ELF5: variants seen among roughly 807,000 people sequenced by gnomAD.
ELF5 encodes E74 like ETS transcription factor 5, also known as ETS-related transcription factor Elf-5.
Under a neutral mutation model 38.2 loss-of-function variants are expected in ELF5, and 31 were observed. That is an observed-to-expected ratio of 0.81 (90% CI 0.61 to 1.10). The LOEUF is 1.10. ELF5 is among the 50% of genes least tolerant of loss of function. The pLI is 0.00. For missense variants in ELF5, 300 were observed against 306.6 expected, an observed-to-expected ratio of 0.98 and a Z score of 0.16; for synonymous variants, 121 against 112.5, an observed-to-expected ratio of 1.08 and a Z score of -0.48.
intron 4 of ELF5, among the ~76,000 whole-genome samples, chr11:34,483,726 T>C (rs548267500): frequency 1.3e-5 from 2 of 152,058 alleles, no homozygotes; most frequent in East Asian, 3.9e-4. Flanking sequence ...TATGCTATAC[T>C]GTACTATACT....
chr11:34,482,620 C>A (rs1856967616), intron 4 of ELF5, 121 bp from the exon 5 acceptor site: 3 of 734,906 alleles, frequency 4.1e-6, no homozygotes, highest in Non-Finnish European at 6.5e-6. Context: ...CCACATTAGG[C>A]ACTTTGGGGG....
At chr11:34,495,022 G>A (rs1198892127) in intron 2 of ELF5, among the ~76,000 whole-genome samples, 1 of 152,204 alleles carries the variant, frequency 6.6e-6, no homozygotes, top group Non-Finnish European at 1.5e-5. Context: ...TCCCCCAGGA[G>A]ATCACAGAAG....
At position 34,482,509 on chromosome 11, in the gene ELF5, A is replaced by T. The variant is rs1164488452; in HGVS notation, c.407-10T>A. ...CAGTTGGAATCAGCATCTGAAATAG[A>T]ATAATTTATAGCAGTGGAAAGGGAT... On this transcript the variant is annotated splice_polypyrimidine_tract_variant and intron_variant, in intron 4 of 6. Coordinates refer to ENST00000257832, the MANE Select transcript of ELF5 (RefSeq NM_001422.4). 1 of 1,610,240 alleles carries T rather than the reference A, an allele frequency of 6.2e-7. No individual in the cohort carries two copies. The highest frequency in any genetic ancestry group is 1.7e-5 in the Admixed American group (1 of 59,472).
chr11:34,481,097 A>G lies in ELF5; in HGVS notation c.476-130T>C, dbSNP rs922770240. Reference sequence around the variant, plus strand: ...GAGAGCAATGGTGCGATCTCGGCTCACTGCAACCTCTGCCTCCTGGGTTCA... The same window carrying G: ...GAGAGCAATGGTGCGATCTCGGCTCGCTGCAACCTCTGCCTCCTGGGTTCA... On this transcript the variant is annotated intron_variant, in intron 5 of 6. Transcript: ENST00000257832. 7 of 643,854 alleles carry G rather than the reference A, an allele frequency of 1.1e-5. No homozygotes were observed. The African/African-American group carries it at 1.3e-4, about 12-fold the overall frequency. 39.9% of individuals were successfully genotyped at this position (643,854 alleles called of 1,614,324 possible).
chr11:34,482,483 G>A lies in ELF5; in HGVS notation c.423C>T (p.Cys141=). The change falls in exon 5 of 7, where the codon TGC becomes TGT. Residue 141 remains cysteine, a synonymous_variant. Transcript: ENST00000257832. ...ATIKDYADSN[C]LKTSGIKSQD... The stretch of plus-strand genomic sequence containing the variant: ...GACTTTTGATGCCACTTGTTTTCAA[G>A]CAGTTGGAATCAGCATCTGAAATAG... 3 of 1,613,078 alleles carry A rather than the reference G, an allele frequency of 1.9e-6. No individual in the cohort carries two copies. The highest frequency in any genetic ancestry group is 2.5e-6 in the Non-Finnish European group (3 of 1,179,732).
intron 3 of ELF5, 62 bp from the exon 4 acceptor site, chr11:34,490,121 C>A (rs539338277): frequency 3.2e-6 from 5 of 1,576,016 alleles, no homozygotes; most frequent in South Asian, 1.1e-5. Context: ...CTGGCCAGGC[C>A]AGGAGAGGGG....
At chr11:34,505,905 G>T in intron 1 of ELF5, 152 bp from the exon 2 acceptor site, 1 of 927,596 alleles carries the variant, frequency 1.1e-6, no homozygotes, top group Non-Finnish European at 1.5e-6. Flanking sequence ...TGTCACCTAC[G>T]AGTGACATTA....
At chr11:34,487,998 C>G (rs995605131) in intron 4 of ELF5, among the ~76,000 whole-genome samples, 1 of 152,026 alleles carries the variant, frequency 6.6e-6, no homozygotes, top group Admixed American at 6.5e-5. Flanking sequence ...CTGCTTGGAA[C>G]CTTTTCTTCT....
chr11:34,496,997 A>T (rs77901870), intron 2 of ELF5, among the ~76,000 whole-genome samples: 2,862 of 152,322 alleles, frequency 0.019, 94 homozygotes, highest in African/African-American at 0.066. Context: ...TGTAATTGTA[A>T]TTATAAATAA....
Position 34,480,877 on chromosome 11 carries a change from T to G in ELF5, c.566A>C (p.Glu189Ala). Residue 189 changes from glutamate to alanine, a missense_variant, in exon 6 of 7, where the codon GAA becomes GCA. By Grantham distance (107) the Glu-to-Ala change is moderately radical (BLOSUM62 -1). Coordinates refer to ENST00000257832, the MANE Select transcript of ELF5 (RefSeq NM_001422.4). ...TTTAACCACCCGAAAAATTCCTTGT[T>G]CCCTATCTTCCCATTCCAGAATGCC... ...NCGILEWEDR[E>A]QGIFRVVKSE... The G allele has an allele frequency of 3.7e-6, 6 of 1,614,154 alleles. No individual in the cohort carries two copies. The highest frequency in any genetic ancestry group is 5.1e-6 in the Non-Finnish European group (6 of 1,180,030).
chr11:34,503,375 G>C (rs188374630), intron 2 of ELF5, among the ~76,000 whole-genome samples: 560 of 151,914 alleles, frequency 3.7e-3, no homozygotes, highest in Non-Finnish European at 6.4e-3. Flanking sequence ...GCCCAGGCTG[G>C]TCTTAAACTC....
rs920073853 is a variant in ELF5 at position 34,488,805 on chromosome 11, C to A, written c.406+1204G>T. Among the ~76,000 whole-genome samples the A allele has an allele frequency of 5.9e-5, 9 of 152,226 alleles. 1 individual carries two copies. Among genetic ancestry groups the A allele is most frequent in the Admixed American group, 5.9e-4 (9 of 15,286 alleles). ...GGTCACTACTACTTAGAGAGTAAAG[C>A]AAATGCCTGCCTGTGGCTCAAGCCT... On this transcript the variant is annotated intron_variant, in intron 4 of 6. Coordinates refer to ENST00000257832, the MANE Select transcript of ELF5 (RefSeq NM_001422.4).
chr11:34,502,378 G>A lies in ELF5; in HGVS notation c.121+3251C>T, dbSNP rs59061455. On this transcript the variant is annotated intron_variant, in intron 2 of 6. Coordinates refer to ENST00000257832, the MANE Select transcript of ELF5 (RefSeq NM_001422.4). ...GCTGGCCATGGAGCAGGGAAAGTTG[G>A]CTGAGCAGTGCCCAGAGGCAAAGCT... Among the ~76,000 whole-genome samples the A allele has an allele frequency of 2.6e-5, 4 of 152,342 alleles. No homozygotes were observed. The East Asian group carries it at 7.7e-4, about 29-fold the overall frequency.
intron 2 of ELF5, among the ~76,000 whole-genome samples, chr11:34,503,650 C>T (rs1222980984): frequency 1.3e-5 from 2 of 152,110 alleles, no homozygotes; most frequent in Non-Finnish European, 2.9e-5. Context: ...CAAGGTCTCA[C>T]TATGTTGCCC....
At chr11:34,490,280 C>T (rs1850131420) in intron 3 of ELF5, among the ~76,000 whole-genome samples, 1 of 152,172 alleles carries the variant, frequency 6.6e-6, no homozygotes, top group Admixed American at 6.5e-5. Flanking sequence ...TTGGAGGGAG[C>T]ACCCAGAACC....
intron 4 of ELF5, among the ~76,000 whole-genome samples, chr11:34,488,082 C>G (rs1229502098): frequency 6.6e-6 from 1 of 152,018 alleles, no homozygotes; most frequent in Non-Finnish European, 1.5e-5. Context: ...GTCCCTGGAC[C>G]CAGTTTAAAT....
chr11:34,512,234 C>G (rs1850778508), intron 1 of ELF5, among the ~76,000 whole-genome samples: 1 of 145,878 alleles, frequency 6.9e-6, no homozygotes, highest in African/African-American at 2.7e-5. Context: ...CTGAGAGGAA[C>G]CCTAGCAACT....
chr11:34,504,358 T>C (rs1368155746), intron 2 of ELF5, among the ~76,000 whole-genome samples: 1 of 152,220 alleles, frequency 6.6e-6, no homozygotes, highest in East Asian at 1.9e-4. Flanking sequence ...CCAAATGCAA[T>C]GATCTAGACC....
At chr11:34,506,531 A>T (rs1041493831) in intron 1 of ELF5, among the ~76,000 whole-genome samples, 5 of 152,118 alleles carry the variant, frequency 3.3e-5, no homozygotes, top group Non-Finnish European at 7.4e-5. Context: ...TGTTTTTTTT[A>T]AAAGATGTAA....
Sources: gnomAD v4.1 joint callset for allele counts (sites outside exome capture counted in the v4.1 genomes callset) on GRCh38, gnomAD v4.1.1 for gene constraint, MANE v1.5 for transcripts, NCBI Gene and HGNC (gene_info 2026-07-23, HGNC 2026-07-21) for gene names.